Variants in TMEM245 observed in about 807,000 individuals in gnomAD.
TMEM245 encodes the protein transmembrane protein 245.
A neutral mutation model predicts 101.2 loss-of-function variants in TMEM245; 69 were observed. That is an observed-to-expected ratio of 0.68 (90% CI 0.56 to 0.83). The LOEUF (loss-of-function observed/expected upper bound fraction) is 0.83. Among genes scored for constraint, TMEM245 ranks in the 40% least tolerant of loss-of-function variants. The pLI is 0.00. For synonymous variants in TMEM245, 537 were observed against 449.8 expected (o/e 1.19, Z -2.45); for missense variants, 1,075 against 1,092.8 (o/e 0.98, Z 0.23).
At chr9:109,059,387 C>G (rs1050548327) in intron 11 of TMEM245, among the ~76,000 whole-genome samples, 1 of 152,148 alleles carries the variant, frequency 6.6e-6, no homozygotes, top group African/African-American at 2.4e-5. Context: ...GCTCTCCTTA[C>G]ATGAACTCTG....
intron 16 of TMEM245, among the ~76,000 whole-genome samples, chr9:109,033,785 A>G (rs1828038445): frequency 6.6e-6 from 1 of 152,254 alleles, no homozygotes; most frequent in South Asian, 2.1e-4. Flanking sequence ...TATACCCATT[A>G]CAGGTGCCTG....
intron 3 of TMEM245, among the ~76,000 whole-genome samples, chr9:109,103,016 A>G (rs1327756784): frequency 1.3e-5 from 2 of 152,218 alleles, no homozygotes; most frequent in African/African-American, 4.8e-5. Context: ...TTAACAAACT[A>G]TTTGCAGATA....
Position 109,083,910 on chromosome 9 carries a change from A to ACAAAC in TMEM245, c.1344+2086_1344+2087insGTTTG, listed in dbSNP as rs1564197242. Among the ~76,000 whole-genome samples, 66 of 111,566 alleles carry ACAAAC rather than the reference A, an allele frequency of 5.9e-4. 4 individuals carry two copies. The East Asian group carries it at 0.015, about 26-fold the overall frequency. 73.2% of individuals were successfully genotyped at this position (111,566 alleles called of 152,430 possible). Reference sequence around the variant, plus strand: ...ATCTCTACTAAAAATACAAAAAAAAAAAAAAAAAAAAAAAAAAAACACCAG... The same window carrying ACAAAC: ...ATCTCTACTAAAAATACAAAAAAAAACAAACAAAAAAAAAAAAAAAAAAACACCAG... On this transcript the variant is annotated intron_variant, in intron 7 of 17. Coordinates refer to ENST00000374586, the MANE Select transcript of TMEM245 (RefSeq NM_032012.4).
chr9:109,051,186 G>T (rs1219002217), intron 12 of TMEM245, among the ~76,000 whole-genome samples: 1 of 151,704 alleles, frequency 6.6e-6, no homozygotes, highest in Non-Finnish European at 1.5e-5. Flanking sequence ...CAGCTACCTG[G>T]GAGGCTGAGG....
intron 9 of TMEM245, among the ~76,000 whole-genome samples, chr9:109,072,800 G>A (rs1227237573): frequency 1.3e-5 from 2 of 152,218 alleles, no homozygotes; most frequent in Non-Finnish European, 2.9e-5. Context: ...GAGCCCAGGA[G>A]TTCAAGATCA....
chr9:109,064,096 A>G (rs1829094069), intron 10 of TMEM245, among the ~76,000 whole-genome samples: 1 of 152,234 alleles, frequency 6.6e-6, no homozygotes, highest in African/African-American at 2.4e-5. Flanking sequence ...GTAAAAGAAA[A>G]AAAAACAAAT....
intron 10 of TMEM245, among the ~76,000 whole-genome samples, chr9:109,061,886 GTGTCA>G (rs1829025144): frequency 6.6e-6 from 1 of 150,760 alleles, no homozygotes; most frequent in African/African-American, 2.4e-5. Context: ...CTAATTTTTA[GTGTCA>G]TGAGTAACAC....
intron 14 of TMEM245, among the ~76,000 whole-genome samples, chr9:109,049,993 T>C (rs1003127334): frequency 6.6e-6 from 1 of 152,208 alleles, no homozygotes; most frequent in Admixed American, 6.5e-5. Flanking sequence ...GGTCTCACTA[T>C]GTTGTCCAGG....
At chr9:109,058,759 G>A (rs1462183408) in intron 11 of TMEM245, among the ~76,000 whole-genome samples, 6 of 152,140 alleles carry the variant, frequency 3.9e-5, no homozygotes, top group East Asian at 3.9e-4. Flanking sequence ...GACTACAGGC[G>A]CACACCACCA....
intron 9 of TMEM245, among the ~76,000 whole-genome samples, chr9:109,067,882 C>T (rs956382938): frequency 1.2e-4 from 18 of 152,162 alleles, no homozygotes; most frequent in African/African-American, 3.9e-4. Flanking sequence ...ATCTTCTCCA[C>T]TAGGAGTATC....
chr9:109,086,522 A>C (rs1161223424), intron 6 of TMEM245, among the ~76,000 whole-genome samples: 2 of 152,178 alleles, frequency 1.3e-5, no homozygotes, highest in African/African-American at 4.8e-5. Context: ...CATAGAGCTC[A>C]CTGTGTACCA....
At chr9:109,106,051 C>T (rs1830408477) in intron 3 of TMEM245, among the ~76,000 whole-genome samples, 1 of 152,114 alleles carries the variant, frequency 6.6e-6, no homozygotes, top group Non-Finnish European at 1.5e-5. Flanking sequence ...GGATTACAGA[C>T]GTGAGCCACT....
intron 8 of TMEM245, 39 bp from the exon 9 acceptor site, chr9:109,073,477 A>T: frequency 6.9e-7 from 1 of 1,459,260 alleles, no homozygotes; most frequent in Non-Finnish European, 9.5e-7. Context: ...TCTCAGTAAA[A>T]AATAAACCCA....
intron 9 of TMEM245, among the ~76,000 whole-genome samples, chr9:109,068,015 C>G (rs1211560683): frequency 3.3e-5 from 5 of 152,086 alleles, no homozygotes; most frequent in African/African-American, 9.7e-5. Flanking sequence ...CCCATCCCCA[C>G]CTATCTGCTG....
At chr9:109,053,190 C>A in intron 12 of TMEM245, among the ~76,000 whole-genome samples, 1 of 152,264 alleles carries the variant, frequency 6.6e-6, no homozygotes, top group East Asian at 1.9e-4. Flanking sequence ...CTTTGGGAGG[C>A]CAAGGTGAGC....
intron 12 of TMEM245, among the ~76,000 whole-genome samples, chr9:109,052,440 T>G (rs1828713746): frequency 6.6e-6 from 1 of 152,236 alleles, no homozygotes; most frequent in Non-Finnish European, 1.5e-5. Context: ...TTGGTGCCCT[T>G]CCCAAAACAG....
chr9:109,021,755 G>A (rs1304927002), intron 17 of TMEM245, among the ~76,000 whole-genome samples: 1 of 152,034 alleles, frequency 6.6e-6, no homozygotes, highest in Non-Finnish European at 1.5e-5. Context: ...GTGAGCCTAG[G>A]TCATGCCACT....
At chr9:109,024,379 C>T (rs1036841273) in intron 17 of TMEM245, among the ~76,000 whole-genome samples, 2 of 152,202 alleles carry the variant, frequency 1.3e-5, no homozygotes, top group African/African-American at 2.4e-5. Context: ...TTTGGTTTCA[C>T]TAATCCACAA....
intron 12 of TMEM245, among the ~76,000 whole-genome samples, chr9:109,051,339 C>T (rs943205515): frequency 2.0e-5 from 3 of 146,984 alleles, no homozygotes; most frequent in African/African-American, 7.4e-5. Flanking sequence ...CACACACACA[C>T]ATCATTGTAG....
Sources: allele counts gnomAD v4.1 joint callset (sites outside exome capture counted in the v4.1 genomes callset), GRCh38; gene constraint gnomAD v4.1.1; transcripts MANE v1.5; gene names NCBI Gene and HGNC (gene_info 2026-07-23, HGNC 2026-07-21).